TRIM58: variants seen among roughly 807,000 people sequenced by gnomAD.
The protein encoded by TRIM58 is E3 ubiquitin-protein ligase TRIM58.
A neutral mutation model predicts 34.1 loss-of-function variants in TRIM58; 38 were observed. The ratio of observed to expected loss-of-function variants is 1.12; its 90% confidence interval spans 0.86 to 1.46. The LOEUF (loss-of-function observed/expected upper bound fraction) is 1.46. Ranked by LOEUF, TRIM58 falls within the 40% of genes most tolerant of loss-of-function variation. The pLI is 0.00. For synonymous variants in TRIM58, 273 were observed against 275.7 expected (o/e 0.99, Z 0.10); for missense variants, 677 against 642.0 (o/e 1.05, Z -0.59).
At chr1:247,865,256 C>T (rs1663894036) in intron 3 of TRIM58, among the ~76,000 whole-genome samples, 1 of 151,956 alleles carries the variant, frequency 6.6e-6, no homozygotes, top group African/African-American at 2.4e-5. Flanking sequence ...ATAGCAAGAC[C>T]CTGTCTCAAA....
At chr1:247,858,996 A>G (rs570906716) in intron 1 of TRIM58, among the ~76,000 whole-genome samples, 85 of 151,946 alleles carry the variant, frequency 5.6e-4, no homozygotes, top group African/African-American at 1.9e-3. Context: ...TGAACTCCTG[A>G]CCTTGTGATC....
At chr1:247,860,403 G>A (rs975371687) in intron 1 of TRIM58, among the ~76,000 whole-genome samples, 5 of 146,262 alleles carry the variant, frequency 3.4e-5, no homozygotes, top group Non-Finnish European at 7.5e-5. Flanking sequence ...TGAGGCTGCA[G>A]TGAGCCATGA....
intron 5 of TRIM58, among the ~76,000 whole-genome samples, chr1:247,870,183 C>CT (rs1271933992): frequency 1.3e-5 from 2 of 152,112 alleles, no homozygotes; most frequent in African/African-American, 2.4e-5. Context: ...CTCCAAGGGC[C>CT]TTTAATTTAA....
intron 1 of TRIM58, among the ~76,000 whole-genome samples, chr1:247,859,288 G>T (rs1663722390): frequency 6.6e-6 from 1 of 152,080 alleles, no homozygotes; most frequent in Non-Finnish European, 1.5e-5. Flanking sequence ...TCTTTGGCCT[G>T]AGGGAGCTTT....
Position 247,876,356 on chromosome 1 carries a change from T to C in TRIM58, c.1328T>C (p.Leu443Pro), listed in dbSNP as rs1396071693. The change falls in exon 6 of 6, where the codon CTT becomes CCT. Residue 443 changes from leucine (L) to proline (P), a missense_variant. Transcript: ENST00000366481. ...ACATTCAACCAACTCTTCTCTGGTC[T>C]TCTTCGGCCTTACTTTTTCATCTGT... ...IYTFNQLFSG[L>P]LRPYFFICDA... The C allele has an allele frequency of 2.5e-6, 4 of 1,614,244 alleles. No homozygotes were observed. The highest frequency in any genetic ancestry group is 3.4e-6 in the Non-Finnish European group (4 of 1,180,044).
At chr1:247,858,249 G>C (rs1663687140) in intron 1 of TRIM58, among the ~76,000 whole-genome samples, 1 of 152,126 alleles carries the variant, frequency 6.6e-6, no homozygotes. Flanking sequence ...TGGGGACTTA[G>C]GATTCGAACA....
intron 2 of TRIM58, among the ~76,000 whole-genome samples, 186 bp downstream of exon 2, chr1:247,860,898 T>C (rs1483745903): frequency 1.3e-5 from 2 of 152,206 alleles, no homozygotes; most frequent in Non-Finnish European, 2.9e-5. Flanking sequence ...TTGTTCTTTT[T>C]GTCTCTACTG....
At position 247,876,010 on chromosome 1, in the gene TRIM58, C is replaced by T. The variant is rs761157198; in HGVS notation, c.982C>T (p.Arg328Ter). 15 of 1,614,076 alleles carry T rather than the reference C, an allele frequency of 9.3e-6. No individual in the cohort carries two copies. The highest frequency in any genetic ancestry group is 4.5e-5 in the East Asian group (2 of 44,898). The change falls in exon 6 of 6, where the codon CGA becomes TGA. Residue 328 changes from arginine to a stop codon, truncating the protein, a stop_gained. Transcript: ENST00000366481. LOFTEE classifies it low-confidence loss of function (END_TRUNC). ...GAGGGATGTCCCCAACAACCCTGAG[C>T]GATTTGACACATGGCCCTGCATCCT... ...PWRDVPNNPE[R>*]FDTWPCILGL...
At chr1:247,871,176 A>G (rs1435743044) in intron 5 of TRIM58, among the ~76,000 whole-genome samples, 1 of 152,240 alleles carries the variant, frequency 6.6e-6, no homozygotes, top group Non-Finnish European at 1.5e-5. Flanking sequence ...TTCCTTGCTT[A>G]TAAAATGCTA....
intron 2 of TRIM58, among the ~76,000 whole-genome samples, chr1:247,861,294 G>A (rs1381925195): frequency 6.6e-6 from 1 of 150,738 alleles, no homozygotes; most frequent in Non-Finnish European, 1.5e-5. Flanking sequence ...CACACACACA[G>A]TGATTCTCAA....
chr1:247,873,129 C>T (rs1251887190), intron 5 of TRIM58, among the ~76,000 whole-genome samples: 1 of 152,092 alleles, frequency 6.6e-6, no homozygotes, highest in African/African-American at 2.4e-5. Context: ...ACTCGGGAGG[C>T]TGAGGCAGGA....
chr1:247,860,762 A>C (rs1309002641), intron 2 of TRIM58, 50 bp downstream of exon 2: 1 of 1,419,810 alleles, frequency 7.0e-7, no homozygotes, highest in Admixed American at 1.7e-5. Context: ...AAGGATCCAG[A>C]TTCGGGTCAG....
intron 3 of TRIM58, among the ~76,000 whole-genome samples, chr1:247,866,575 A>G (rs1663932212): frequency 6.6e-6 from 1 of 152,120 alleles, no homozygotes; most frequent in Admixed American, 6.5e-5. Flanking sequence ...CTGGCATGGG[A>G]GGATATATTC....
intron 3 of TRIM58, among the ~76,000 whole-genome samples, chr1:247,866,858 A>G (rs1244598499): frequency 6.6e-6 from 1 of 152,136 alleles, no homozygotes. Context: ...CTTCCCTGGT[A>G]CTAATAAGCT....
In TRIM58 at chr1:247,879,555, AGTGAATCCCCAGGCCCTAGAGGAT is replaced by A. The variant is rs1222536961; in HGVS notation, c.*3072_*3095del. ...TTAGAGTGAAAGTCAGAATCCTCAC[AGTGAATCCCCAGGCCCTAGAGGAT>A]GTGAACCCCCAGGCCCTAGAGGATC... On this transcript the variant is annotated 3_prime_UTR_variant, in exon 6 of 6. Transcript: ENST00000366481. Among the ~76,000 whole-genome samples, 16 of 152,112 alleles carry A rather than the reference AGTGAATCCCCAGGCCCTAGAGGAT, an allele frequency of 1.1e-4. No homozygotes were observed. The highest frequency in any genetic ancestry group is 6.2e-4 in the South Asian group (3 of 4,810).
chr1:247,877,332 G>C lies in TRIM58; in HGVS notation c.*843G>C, dbSNP rs1659312923. The stretch of plus-strand genomic sequence containing the variant: ...TCACGCCTGTAATCCCAGCACTTTG[G>C]GAGGCTGAGGCGGGTGGATCACAAG... On this transcript the variant is annotated 3_prime_UTR_variant, in exon 6 of 6. Transcript: ENST00000366481. 2.6e-5 allele frequency: 4 copies of C among 152,026 alleles called. No homozygotes were observed. Among genetic ancestry groups the C allele is most frequent in the Admixed American group, 2.6e-4 (4 of 15,262 alleles). The allele number at this position is 152,026 out of a possible 1,614,324, so 9.4% of individuals were successfully genotyped here. A position where few individuals can be genotyped will look rare whatever the true frequency, so the allele number is the denominator to read the frequency against.
Position 247,876,729 on chromosome 1 carries a change from T to C in TRIM58, c.*240T>C, listed in dbSNP as rs1332690446. On this transcript the variant is annotated 3_prime_UTR_variant, in exon 6 of 6. Coordinates refer to ENST00000366481, the MANE Select transcript of TRIM58 (RefSeq NM_015431.4). ...ACCTCTATTTCTAGATCACATTTTCTTGATGTCTTCCTTCAAATTAATGAC... is the reference window on the plus strand; with the variant it reads ...ACCTCTATTTCTAGATCACATTTTCCTGATGTCTTCCTTCAAATTAATGAC... 4.1e-6 allele frequency: 2 copies of C among 491,058 alleles called. No homozygotes were observed. Among genetic ancestry groups the C allele is most frequent in the Admixed American group, 3.8e-5 (1 of 26,408 alleles). The allele number at this position is 491,058 out of a possible 1,614,324, so 30.4% of individuals were successfully genotyped here.
Position 247,876,331 on chromosome 1 carries a change from A to G in TRIM58, c.1303A>G (p.Thr435Ala). Residue 435 changes from threonine (T) to alanine (A), a missense_variant, in exon 6 of 6, where the codon ACA becomes GCA. Physicochemically the swap from Thr to Ala is moderately conservative, Grantham distance 58 (BLOSUM62 0). Transcript: ENST00000366481. The part of the protein sequence containing the change: ...YNVTDGSYIY[T>A]FNQLFSGLLR... ...TGTCACAGATGGATCTTATATCTAC[A>G]CATTCAACCAACTCTTCTCTGGTCT... 2 of 1,614,160 alleles carry G rather than the reference A, an allele frequency of 1.2e-6. No homozygotes were observed.
intron 2 of TRIM58, among the ~76,000 whole-genome samples, chr1:247,863,208 A>G (rs1663836733): frequency 6.6e-6 from 1 of 152,230 alleles, no homozygotes; most frequent in Admixed American, 6.5e-5. Context: ...GTGATAGCTC[A>G]TGCCTTTTAG....
Sources: allele counts gnomAD v4.1 joint callset (sites outside exome capture counted in the v4.1 genomes callset), GRCh38; gene constraint gnomAD v4.1.1; transcripts MANE v1.5; gene names NCBI Gene and HGNC (gene_info 2026-07-23, HGNC 2026-07-21).